Variants in UIMC1 observed in about 807,000 individuals in gnomAD.
UIMC1 encodes BRCA1-A complex subunit RAP80.
UIMC1 carries 42 observed loss-of-function variants against 84.9 expected under a neutral mutation model. The ratio of observed to expected loss-of-function variants is 0.49; its 90% CI spans 0.39 to 0.64. UIMC1 has a LOEUF of 0.64. Among genes scored for constraint, UIMC1 ranks in the 30% least tolerant of loss-of-function variants. The probability of loss-of-function intolerance (pLI) is 0.00; values close to 1 mark genes in which losing one functional copy is unlikely to be tolerated. For synonymous variants in UIMC1, 281 were observed against 293.0 expected (o/e 0.96, Z 0.42); for missense variants, 825 against 847.6 (o/e 0.97, Z 0.33).
intron 1 of UIMC1, among the ~76,000 whole-genome samples, chr5:176,992,463 TA>T (rs58677475): frequency 3.0e-3 from 428 of 141,374 alleles, no homozygotes; most frequent in Middle Eastern, 3.6e-3. Flanking sequence ...TGTCTCAGTT[TA>T]AAAAAAAAAA....
chr5:176,990,742 T>C (rs917229966), intron 1 of UIMC1, among the ~76,000 whole-genome samples: 1 of 152,106 alleles, frequency 6.6e-6, no homozygotes, highest in African/African-American at 2.4e-5. Flanking sequence ...TGTATGATCA[T>C]AGCTCACTGC....
chr5:177,019,928 T>TAAA (rs36095013), intron 1 of UIMC1, among the ~76,000 whole-genome samples: 2 of 145,970 alleles, frequency 1.4e-5, no homozygotes, highest in East Asian at 2.0e-4. Context: ...ACTCCGTCTA[T>TAAA]AAAAAAAAAA....
intron 1 of UIMC1, among the ~76,000 whole-genome samples, chr5:176,996,336 A>C (rs562087257): frequency 6.6e-6 from 1 of 152,266 alleles, no homozygotes; most frequent in African/African-American, 2.4e-5. Context: ...CTTTTGAGGT[A>C]ATGTTCTCTA....
At chr5:176,992,325 G>A (rs1363512685) in intron 1 of UIMC1, among the ~76,000 whole-genome samples, 1 of 152,054 alleles carries the variant, frequency 6.6e-6, no homozygotes, top group Non-Finnish European at 1.5e-5. Context: ...CCAAAAGAGT[G>A]TAGAACTATC....
chr5:176,915,207 T>A (rs550404155), intron 10 of UIMC1, among the ~76,000 whole-genome samples: 5 of 151,576 alleles, frequency 3.3e-5, no homozygotes, highest in South Asian at 4.2e-4. Context: ...CATGCAACTT[T>A]CTGAATTCAG....
At chr5:176,986,126 G>T (rs935879752) in intron 1 of UIMC1, among the ~76,000 whole-genome samples, 8 of 151,380 alleles carry the variant, frequency 5.3e-5, no homozygotes, top group Non-Finnish European at 7.4e-5. Flanking sequence ...ATAGAAGGCC[G>T]TCGTGGGCTG....
intron 12 of UIMC1, among the ~76,000 whole-genome samples, chr5:176,907,531 T>C (rs1759551690): frequency 6.6e-6 from 1 of 152,226 alleles, no homozygotes; most frequent in African/African-American, 2.4e-5. Context: ...GAGGGGTCTC[T>C]TTCTTCTGGC....
intron 1 of UIMC1, among the ~76,000 whole-genome samples, chr5:177,004,186 G>T: frequency 6.6e-6 from 1 of 152,064 alleles, no homozygotes; most frequent in Non-Finnish European, 1.5e-5. Context: ...TTTCTAAAAG[G>T]CATGTAAATA....
At chr5:176,987,483 CA>C (rs76022267) in intron 1 of UIMC1, among the ~76,000 whole-genome samples, 21,399 of 150,966 alleles carry the variant, frequency 0.14, 1,766 homozygotes, top group East Asian at 0.2. Flanking sequence ...CCATCTCTAC[CA>C]AAAAATAAAA....
intron 10 of UIMC1, among the ~76,000 whole-genome samples, chr5:176,932,652 G>A (rs1341161848): frequency 2.0e-5 from 3 of 152,116 alleles, no homozygotes; most frequent in African/African-American, 7.2e-5. Context: ...CAAAATACAT[G>A]TATTTCACTC....
At chr5:176,938,240 TAA>T (rs35080198) in intron 10 of UIMC1, among the ~76,000 whole-genome samples, 11 of 111,952 alleles carry the variant, frequency 9.8e-5, no homozygotes, top group Non-Finnish European at 1.1e-4. Context: ...CCTTCCACAG[TAA>T]AAAAAAAAAA....
Position 176,905,489 on chromosome 5 carries a change from C to T in UIMC1, c.1953G>A (p.Val651=), listed in dbSNP as rs1275916805. 5 of 1,613,428 alleles carry T rather than the reference C, an allele frequency of 3.1e-6. No homozygotes were observed. Among genetic ancestry groups the T allele is most frequent in the Non-Finnish European group, 4.2e-6 (5 of 1,179,832 alleles). The change falls in exon 15 of 15, where the codon GTG becomes GTA. Residue 651 remains valine, a synonymous_variant. Coordinates refer to ENST00000511320, the MANE Select transcript of UIMC1 (RefSeq NM_001199298.2). ...CTGCCTCTTCCATCCCTGGTGAAGG[C>T]ACCCTAGAGAGAAGGAAAAAAATTC... ...IKSSETGAFR[V]PSPGMEEAGC... is the part of the protein sequence containing the mutation.
At chr5:176,965,716 GAAGTT>G (rs1768194290) in intron 6 of UIMC1, among the ~76,000 whole-genome samples, 1 of 152,202 alleles carries the variant, frequency 6.6e-6, no homozygotes. Flanking sequence ...GTCTGGTCAT[GAAGTT>G]AAGAGTCAAA....
intron 1 of UIMC1, among the ~76,000 whole-genome samples, chr5:176,994,299 GA>G (rs769620124): frequency 4.0e-4 from 60 of 151,690 alleles, no homozygotes; most frequent in Non-Finnish European, 7.1e-4. Context: ...GGCCAATAAG[GA>G]AAAACAAACA....
intron 1 of UIMC1, among the ~76,000 whole-genome samples, chr5:177,014,533 G>A (rs772815457): frequency 1.3e-5 from 2 of 152,104 alleles, no homozygotes; most frequent in Non-Finnish European, 2.9e-5. Flanking sequence ...GGTGGAAGTT[G>A]AATGAGTTTG....
At chr5:176,966,229 T>C (rs945115076) in intron 6 of UIMC1, among the ~76,000 whole-genome samples, 1 of 152,248 alleles carries the variant, frequency 6.6e-6, no homozygotes, top group African/African-American at 2.4e-5. Context: ...TCAGTGCCTA[T>C]GCTATGCATT....
intron 6 of UIMC1, among the ~76,000 whole-genome samples, chr5:176,961,833 C>T (rs1674528818): frequency 4.1e-5 from 1 of 24,126 alleles, no homozygotes; most frequent in East Asian, 1.7e-3. Context: ...TGCCCGGCCG[C>T]CCCTACTGGG....
intron 1 of UIMC1, among the ~76,000 whole-genome samples, chr5:176,995,266 G>A (rs1773436329): frequency 6.6e-6 from 1 of 151,964 alleles, no homozygotes; most frequent in African/African-American, 2.4e-5. Context: ...GACAACTTGT[G>A]GGCTGGGCAT....
At chr5:176,922,417 C>T (rs551456623) in intron 10 of UIMC1, among the ~76,000 whole-genome samples, 1 of 152,324 alleles carries the variant, frequency 6.6e-6, no homozygotes, top group African/African-American at 2.4e-5. Context: ...TTAAGATTGC[C>T]TTCTCTCATC....
Sources: allele counts gnomAD v4.1 joint callset (sites outside exome capture counted in the v4.1 genomes callset), GRCh38; gene constraint gnomAD v4.1.1; transcripts MANE v1.5; gene names NCBI Gene and HGNC (gene_info 2026-07-23, HGNC 2026-07-21).